Variants in STXBP5L observed in about 807,000 individuals in gnomAD.
The protein encoded by STXBP5L is syntaxin binding protein 5L.
Under a neutral mutation model 144.5 loss-of-function variants are expected in STXBP5L, and 65 were observed. The observed-to-expected ratio is 0.45, with a 90% CI of 0.37 to 0.55. The LOEUF (loss-of-function observed/expected upper bound fraction) is 0.55, where lower values mean the gene tolerates loss of function less well. Among genes scored for constraint, STXBP5L ranks in the 20% least tolerant of loss-of-function variants. STXBP5L has a pLI of 0.00. For synonymous variants in STXBP5L, 505 were observed against 469.6 expected (o/e 1.08, Z -0.97); for missense variants, 1,298 against 1,405.5 (o/e 0.92, Z 1.22).
chr3:121,030,722 A>C (rs971523213), intron 3 of STXBP5L, among the ~76,000 whole-genome samples: 1 of 152,116 alleles, frequency 6.6e-6, no homozygotes, highest in Admixed American at 6.6e-5. Flanking sequence ...CCCTAGAACT[A>C]CTGATCAGAA....
rs181466507 is a variant in STXBP5L at position 121,316,246 on chromosome 3, A to G, written c.2111-2229A>G. Among the ~76,000 whole-genome samples, 16 of 152,312 alleles carry G rather than the reference A, an allele frequency of 1.1e-4. No individual in the cohort carries two copies. The East Asian group carries it at 2.7e-3, about 26-fold the overall frequency. On this transcript the variant is annotated intron_variant, in intron 19 of 26. Coordinates refer to ENST00000471454, the MANE Select transcript of STXBP5L (RefSeq NM_001308330.2). ...ATTGGCACAAGGAAGTAGTTTTACT[A>G]TTATTGTTAGATCCATATTCAGTTC...
intron 3 of STXBP5L, among the ~76,000 whole-genome samples, chr3:120,982,985 G>C (rs1344643850): frequency 1.3e-5 from 2 of 152,200 alleles, no homozygotes; most frequent in African/African-American, 4.8e-5. Flanking sequence ...CAGGGTGGCT[G>C]TGCTGTGGAC....
intron 9 of STXBP5L, among the ~76,000 whole-genome samples, chr3:121,191,752 G>A (rs761764419): frequency 2.0e-5 from 3 of 152,138 alleles, no homozygotes; most frequent in Non-Finnish European, 2.9e-5. Flanking sequence ...TATACACCAT[G>A]GAATACTATG....
At position 120,921,649 on chromosome 3, in the gene STXBP5L, G is replaced by T. The variant is rs186231942; in HGVS notation, c.189+11882G>T. On this transcript the variant is annotated intron_variant, in intron 2 of 26. Coordinates refer to ENST00000471454, the MANE Select transcript of STXBP5L (RefSeq NM_001308330.2). ...TTTAATCAATTTTGATTTGGTTTTTGTATATAGTGACAGGGCCTAGTTTCA... is the reference window on the plus strand; with the variant it reads ...TTTAATCAATTTTGATTTGGTTTTTTTATATAGTGACAGGGCCTAGTTTCA... Among the ~76,000 whole-genome samples the T allele has an allele frequency of 1.2e-3, 177 of 151,904 alleles. 1 individual carries two copies. The highest frequency in any genetic ancestry group is 2.0e-3 in the Non-Finnish European group (138 of 67,784).
At chr3:121,388,147 C>G (rs566313654) in intron 22 of STXBP5L, among the ~76,000 whole-genome samples, 15 of 150,662 alleles carry the variant, frequency 1.0e-4, no homozygotes, top group African/African-American at 3.6e-4. Context: ...CCTAGGTATT[C>G]TCTTTGTAGC....
At chr3:121,263,680 A>G (rs928801713) in intron 18 of STXBP5L, among the ~76,000 whole-genome samples, 1 of 152,150 alleles carries the variant, frequency 6.6e-6, no homozygotes, top group Non-Finnish European at 1.5e-5. Flanking sequence ...AAGTATAAAT[A>G]GCCAAATTGA....
At chr3:120,969,199 A>G (rs1046362915) in intron 3 of STXBP5L, among the ~76,000 whole-genome samples, 1 of 151,258 alleles carries the variant, frequency 6.6e-6, no homozygotes, top group Admixed American at 6.6e-5. Context: ...CCATGCCAAC[A>G]TCTATTTTTT....
chr3:120,995,379 C>T lies in STXBP5L; in HGVS notation c.287+40342C>T, dbSNP rs542063185. Among the ~76,000 whole-genome samples, 5 of 152,208 alleles carry T rather than the reference C, an allele frequency of 3.3e-5. No individual in the cohort carries two copies. The East Asian group carries it at 7.7e-4, about 23-fold the overall frequency. ...ACCAGGCTGATCTTGAACTCCTGGGCTCAAGTGATCCTTCTGCCTTGGCCT... is the reference window on the plus strand; with the variant it reads ...ACCAGGCTGATCTTGAACTCCTGGGTTCAAGTGATCCTTCTGCCTTGGCCT... On this transcript the variant is annotated intron_variant, in intron 3 of 26. Transcript: ENST00000471454.
intron 20 of STXBP5L, among the ~76,000 whole-genome samples, chr3:121,375,868 G>T (rs1458810289): frequency 1.3e-5 from 2 of 152,036 alleles, no homozygotes; most frequent in South Asian, 2.1e-4. Context: ...TCATTTGTAT[G>T]ACCAAAGAAA....
chr3:121,364,125 A>G (rs762455369), intron 20 of STXBP5L, among the ~76,000 whole-genome samples: 22 of 152,170 alleles, frequency 1.4e-4, no homozygotes, highest in Non-Finnish European at 2.8e-4. Flanking sequence ...TAATGTCATT[A>G]ACTTTTGCCC....
At chr3:121,201,117 C>A (rs2108212653) in intron 9 of STXBP5L, among the ~76,000 whole-genome samples, 1 of 152,026 alleles carries the variant, frequency 6.6e-6, no homozygotes, top group South Asian at 2.1e-4. Context: ...TGCAGGAGTC[C>A]AAGTCTCTCT....
chr3:120,955,945 A>C (rs1246388910), intron 3 of STXBP5L, among the ~76,000 whole-genome samples: 1 of 152,018 alleles, frequency 6.6e-6, no homozygotes, highest in Non-Finnish European at 1.5e-5. Flanking sequence ...CTGAAGATTC[A>C]TTCATATTGT....
chr3:121,111,517 C>G (rs1303142172), intron 5 of STXBP5L, among the ~76,000 whole-genome samples: 2 of 152,106 alleles, frequency 1.3e-5, no homozygotes, highest in Non-Finnish European at 1.5e-5. Context: ...CACTCCAGAC[C>G]CTATTTGCCT....
intron 19 of STXBP5L, among the ~76,000 whole-genome samples, chr3:121,313,646 G>C (rs1441247081): frequency 1.4e-5 from 1 of 73,260 alleles, no homozygotes; most frequent in African/African-American, 5.7e-5. Flanking sequence ...GCGGCTGGCC[G>C]GGCAGAGGGG....
intron 20 of STXBP5L, among the ~76,000 whole-genome samples, chr3:121,352,712 C>T (rs1000240409): frequency 9.9e-5 from 15 of 151,974 alleles, no homozygotes; most frequent in African/African-American, 3.4e-4. Context: ...GAACTTCCAA[C>T]ATTATGTTAA....
intron 18 of STXBP5L, among the ~76,000 whole-genome samples, chr3:121,269,704 T>C (rs2050681133): frequency 6.6e-6 from 1 of 152,190 alleles, no homozygotes; most frequent in African/African-American, 2.4e-5. Context: ...AAATATTCTC[T>C]GGGGAAGAAG....
At chr3:121,000,050 T>A (rs76391756) in intron 3 of STXBP5L, among the ~76,000 whole-genome samples, 2,926 of 152,258 alleles carry the variant, frequency 0.019, 101 homozygotes, top group African/African-American at 0.067. Context: ...ATTTTGTCCT[T>A]CACATTGAGC....
chr3:121,420,686 T>C lies in STXBP5L; in HGVS notation c.*1589T>C, dbSNP rs1474375948. ...AAGTTTTAATTATGGTTTTGGCTTATTGAATTTTTGTTTATCAAGGTCTCA... is the reference window on the plus strand; with the variant it reads ...AAGTTTTAATTATGGTTTTGGCTTACTGAATTTTTGTTTATCAAGGTCTCA... On this transcript the variant is annotated 3_prime_UTR_variant, in exon 27 of 27. Transcript: ENST00000471454. 1.3e-5 allele frequency: 2 copies of C among 152,290 alleles called. No homozygotes were observed. The highest frequency in any genetic ancestry group is 1.9e-4 in the East Asian group (1 of 5,182). 9.4% of individuals were successfully genotyped at this position (152,290 alleles called of 1,614,324 possible).
intron 3 of STXBP5L, among the ~76,000 whole-genome samples, chr3:121,012,893 G>T (rs565892247): frequency 6.6e-5 from 10 of 151,828 alleles, no homozygotes; most frequent in African/African-American, 2.2e-4. Context: ...CTATCTTTGT[G>T]TCCATTTATA....
Sources: gnomAD v4.1 joint callset for allele counts (sites outside exome capture counted in the v4.1 genomes callset) on GRCh38, gnomAD v4.1.1 for gene constraint, MANE v1.5 for transcripts, NCBI Gene and HGNC (gene_info 2026-07-23, HGNC 2026-07-21) for gene names.